MND1: variants seen among roughly 807,000 people sequenced by gnomAD.
MND1 encodes meiotic nuclear division protein 1 homolog.
MND1 carries 28 observed loss-of-function variants against 35.1 expected under a neutral mutation model. The observed-to-expected ratio is 0.80, with a 90% CI of 0.59 to 1.09. The LOEUF is 1.09. Ranked by LOEUF, MND1 falls within the 50% of genes least tolerant of loss-of-function variation. MND1 has a pLI of 0.00. For missense variants in MND1, 213 were observed against 239.6 expected, an observed-to-expected ratio of 0.89 and a Z score of 0.73; for synonymous variants, 69 against 70.5, an observed-to-expected ratio of 0.98 and a Z score of 0.11.
chr4:153,402,796 T>A (rs964513603), intron 6 of MND1, among the ~76,000 whole-genome samples: 2 of 152,214 alleles, frequency 1.3e-5, no homozygotes, highest in Non-Finnish European at 2.9e-5. Context: ...TAAACAATAA[T>A]TTTAACTTCT....
chr4:153,354,542 G>T lies in MND1; in HGVS notation c.70-1112G>T, dbSNP rs540670662. Among the ~76,000 whole-genome samples the T allele has an allele frequency of 1.3e-4, 20 of 152,154 alleles. No individual in the cohort carries two copies. In the South Asian group the frequency reaches 4.2e-3, roughly 32 times the overall value. ...AGACACAGTCTTACTCTATACTCTT[G>T]CCCAGGCTGGAGTATAGTGGCACAG... On this transcript the variant is annotated intron_variant, in intron 2 of 7. Transcript: ENST00000240488.
intron 4 of MND1, among the ~76,000 whole-genome samples, chr4:153,380,806 A>G (rs962073746): frequency 1.3e-5 from 2 of 152,114 alleles, no homozygotes; most frequent in Non-Finnish European, 2.9e-5. Flanking sequence ...ATAAACTAAG[A>G]TTTTTTTACT....
chr4:153,361,866 G>T (rs1773503249), intron 4 of MND1, among the ~76,000 whole-genome samples: 1 of 152,012 alleles, frequency 6.6e-6, no homozygotes, highest in East Asian at 1.9e-4. Context: ...ATTCTAAGGT[G>T]GTATTACTTA....
intron 4 of MND1, among the ~76,000 whole-genome samples, chr4:153,379,302 A>G (rs541199858): frequency 1.7e-4 from 26 of 149,750 alleles, no homozygotes; most frequent in South Asian, 4.2e-4. Context: ...AAAAAAAAAA[A>G]AAGAAGAAGA....
chr4:153,380,980 A>C (rs937810784), intron 4 of MND1, among the ~76,000 whole-genome samples: 5 of 151,684 alleles, frequency 3.3e-5, no homozygotes, highest in Non-Finnish European at 7.4e-5. Context: ...GCTCACTGCA[A>C]GCTCCGCCTC....
intron 1 of MND1, among the ~76,000 whole-genome samples, chr4:153,348,532 G>A (rs768408585): frequency 2.0e-5 from 3 of 152,150 alleles, no homozygotes; most frequent in Non-Finnish European, 4.4e-5. Context: ...CAGAAAAACA[G>A]TGTTTGAAAG....
chr4:153,402,716 A>T (rs1010260678), intron 6 of MND1, among the ~76,000 whole-genome samples: 5 of 152,146 alleles, frequency 3.3e-5, no homozygotes, highest in African/African-American at 1.2e-4. Context: ...AACTGTCTTT[A>T]TTTGATCTGG....
intron 7 of MND1, among the ~76,000 whole-genome samples, chr4:153,410,996 T>TA (rs1729667128): frequency 1.3e-5 from 2 of 152,008 alleles, no homozygotes; most frequent in South Asian, 2.1e-4. Flanking sequence ...CTCAAGAAAA[T>TA]AAAAAAGTCC....
chr4:153,352,277 A>G (rs1456807074), intron 2 of MND1, among the ~76,000 whole-genome samples: 1 of 152,168 alleles, frequency 6.6e-6, no homozygotes, highest in African/African-American at 2.4e-5. Flanking sequence ...AGACATGATC[A>G]TGTATGGATG....
chr4:153,357,323 A>C (rs182483304), intron 3 of MND1, among the ~76,000 whole-genome samples: 3 of 152,096 alleles, frequency 2.0e-5, no homozygotes, highest in Admixed American at 6.5e-5. Flanking sequence ...AAGATATGCA[A>C]ATTTCTTAAG....
At chr4:153,356,552 CAAAAAAAAAAA>C (rs34763120) in intron 3 of MND1, among the ~76,000 whole-genome samples, 6 of 60,056 alleles carry the variant, frequency 1.0e-4, no homozygotes, top group East Asian at 1.3e-3. Flanking sequence ...AACTCAGTCT[CAAAAAAAAAAA>C]AAAAAAAAAA....
chr4:153,377,329 A>G (rs868301874), intron 4 of MND1, among the ~76,000 whole-genome samples: 1 of 152,218 alleles, frequency 6.6e-6, no homozygotes, highest in African/African-American at 2.4e-5. Flanking sequence ...GAATATATAC[A>G]GTTCTTTATA....
chr4:153,355,752 C>T (rs1773324449), intron 3 of MND1, 41 bp downstream of exon 3: 8 of 1,242,436 alleles, frequency 6.4e-6, no homozygotes, highest in Non-Finnish European at 9.3e-6. Context: ...GGGAAATATA[C>T]TGGGATGTTT....
intron 4 of MND1, among the ~76,000 whole-genome samples, chr4:153,390,422 C>T (rs1488577101): frequency 1.3e-5 from 2 of 152,190 alleles, no homozygotes; most frequent in Non-Finnish European, 2.9e-5. Flanking sequence ...CCATGCTTCA[C>T]ATTTGAAATA....
intron 4 of MND1, among the ~76,000 whole-genome samples, chr4:153,379,479 G>T (rs1440682303): frequency 6.6e-6 from 1 of 151,990 alleles, no homozygotes; most frequent in Admixed American, 6.6e-5. Context: ...CCAAGATGAG[G>T]ATGGCTTAAG....
At chr4:153,402,243 G>C (rs1006406754) in intron 6 of MND1, among the ~76,000 whole-genome samples, 1 of 152,156 alleles carries the variant, frequency 6.6e-6, no homozygotes, top group Admixed American at 6.5e-5. Flanking sequence ...TAGCTATTCT[G>C]ACCATTATTC....
chr4:153,388,458 G>A lies in MND1; in HGVS notation c.277-5804G>A, dbSNP rs191136726. Among the ~76,000 whole-genome samples, 358 of 152,268 alleles carry A rather than the reference G, an allele frequency of 2.4e-3. 1 individual carries two copies. Among genetic ancestry groups the A allele is most frequent in the African/African-American group, 6.7e-3 (279 of 41,552 alleles). ...GCCATGATCATGCCACTGCATTCCA[G>A]CCTGAACAACAGAGTAAGACCCTGT... On this transcript the variant is annotated intron_variant, in intron 4 of 7. Coordinates refer to ENST00000240488, the MANE Select transcript of MND1 (RefSeq NM_032117.4).
At chr4:153,355,965 A>G (rs1773328658) in intron 3 of MND1, among the ~76,000 whole-genome samples, 1 of 152,206 alleles carries the variant, frequency 6.6e-6, no homozygotes, top group Admixed American at 6.5e-5. Context: ...TTTATAACAT[A>G]AATGATTGTA....
chr4:153,400,135 C>T (rs532408062), intron 6 of MND1, among the ~76,000 whole-genome samples: 2 of 152,070 alleles, frequency 1.3e-5, no homozygotes, highest in South Asian at 4.2e-4. Context: ...TCTCGAACTC[C>T]TGGCCTCAAG....
Sources: gnomAD v4.1 joint callset for allele counts (sites outside exome capture counted in the v4.1 genomes callset) on GRCh38, gnomAD v4.1.1 for gene constraint, MANE v1.5 for transcripts, NCBI Gene and HGNC (gene_info 2026-07-23, HGNC 2026-07-21) for gene names.